Variants in ST8SIA3 observed in about 807,000 individuals in gnomAD.
ST8SIA3 encodes alpha-N-acetylneuraminate alpha-2,8-sialyltransferase ST8SIA3.
Under a neutral mutation model 34.5 loss-of-function variants are expected in ST8SIA3, and 17 were observed. That is an observed-to-expected ratio of 0.49 (90% CI 0.34 to 0.74). ST8SIA3 has a LOEUF of 0.74. Among genes scored for constraint, ST8SIA3 ranks in the 30% least tolerant of loss-of-function variants. The pLI is 0.01. For synonymous variants in ST8SIA3, 172 were observed against 176.1 expected, an observed-to-expected ratio of 0.98 and a Z score of 0.19; for missense variants, 354 against 467.8, an observed-to-expected ratio of 0.76 and a Z score of 2.24.
intron 3 of ST8SIA3, among the ~76,000 whole-genome samples, chr18:57,358,964 G>A (rs1321909918): frequency 2.0e-5 from 3 of 152,200 alleles, no homozygotes; most frequent in Admixed American, 1.3e-4. Flanking sequence ...TTTGGAAGGG[G>A]AAAGGTTCAC....
Position 57,363,666 on chromosome 18 carries a change from T to A in ST8SIA3, c.*3389T>A, listed in dbSNP as rs2049845161. ...GGGAAGCCAAGGAATGGGAGAACGTTTTTTCTGATTTGAGTCAAGGCACTA... is the reference window on the plus strand; with the variant it reads ...GGGAAGCCAAGGAATGGGAGAACGTATTTTCTGATTTGAGTCAAGGCACTA... On this transcript the variant is annotated 3_prime_UTR_variant, in exon 4 of 4. Transcript: ENST00000324000. 6.6e-6 allele frequency: 1 copy of A among 152,190 alleles called. No individual in the cohort carries two copies. The highest frequency in any genetic ancestry group is 6.5e-5 in the Admixed American group (1 of 15,276). The allele number at this position is 152,190 out of a possible 1,614,324, so 9.4% of individuals were successfully genotyped here.
intron 2 of ST8SIA3, among the ~76,000 whole-genome samples, chr18:57,355,066 TG>T (rs2049791259): frequency 6.6e-6 from 1 of 152,252 alleles, no homozygotes; most frequent in African/African-American, 2.4e-5. Context: ...GTTTTGGTTT[TG>T]CCTGTTTTCA....
At chr18:57,353,420 T>A (rs1312966084) in intron 1 of ST8SIA3, among the ~76,000 whole-genome samples, 1 of 151,850 alleles carries the variant, frequency 6.6e-6, no homozygotes, top group Non-Finnish European at 1.5e-5. Flanking sequence ...GTCCGCAGAC[T>A]CCGCGGGCCG....
At chr18:57,354,363 G>A (rs748405462) in intron 1 of ST8SIA3, 39 bp from the exon 2 acceptor site, 17 of 1,611,516 alleles carry the variant, frequency 1.1e-5, no homozygotes, top group Non-Finnish European at 1.3e-5. Context: ...TCCCCGAGCT[G>A]AGGCCAGCAC....
rs1356746511 is a variant in ST8SIA3 at position 57,364,723 on chromosome 18, A to C, written c.*4446A>C. The stretch of plus-strand genomic sequence containing the variant: ...CTGTGGCCCAATTAATCGAGGCCAC[A>C]GATCAGTTGGTACTAAGCATCAAAA... On this transcript the variant is annotated 3_prime_UTR_variant, in exon 4 of 4. Coordinates refer to ENST00000324000, the MANE Select transcript of ST8SIA3 (RefSeq NM_015879.3). The C allele has an allele frequency of 6.6e-6, 1 of 152,654 alleles. No individual in the cohort carries two copies. Among genetic ancestry groups the C allele is most frequent in the Non-Finnish European group, 1.5e-5 (1 of 68,034 alleles). The allele number at this position is 152,654 out of a possible 1,614,324, so 9.5% of individuals were successfully genotyped here.
chr18:57,359,211 A>AG (rs2049815597), intron 3 of ST8SIA3, among the ~76,000 whole-genome samples: 1 of 152,234 alleles, frequency 6.6e-6, no homozygotes, highest in South Asian at 2.1e-4. Flanking sequence ...CACACCACAT[A>AG]GAAGCCTCAA....
intron 1 of ST8SIA3, among the ~76,000 whole-genome samples, chr18:57,353,282 A>G (rs979037458): frequency 1.8e-4 from 27 of 151,264 alleles, no homozygotes; most frequent in Admixed American, 1.6e-3. Context: ...CCCTTCCCTC[A>G]TTTCAGAAAT....
Position 57,352,836 on chromosome 18 carries a change from C to T in ST8SIA3, c.-11C>T. The T allele has an allele frequency of 6.2e-7, 1 of 1,612,566 alleles. No individual in the cohort carries two copies. The highest frequency in any genetic ancestry group is 8.5e-7 in the Non-Finnish European group (1 of 1,179,608). The stretch of plus-strand genomic sequence containing the variant: ...ATTTCCCCGGTTTCCCTGAACCCAG[C>T]CCAGCCCGGGATGAGAAACTGCAAA... On this transcript the variant is annotated 5_prime_UTR_variant, in exon 1 of 4. Coordinates refer to ENST00000324000, the MANE Select transcript of ST8SIA3 (RefSeq NM_015879.3).
At chr18:57,359,511 C>T (rs1206203134) in intron 3 of ST8SIA3, among the ~76,000 whole-genome samples, 4 of 152,166 alleles carry the variant, frequency 2.6e-5, no homozygotes, top group Non-Finnish European at 5.9e-5. Flanking sequence ...AAGGAAGAGA[C>T]GGAGGAGTTT....
chr18:57,355,018 G>T (rs1195977553), intron 2 of ST8SIA3, among the ~76,000 whole-genome samples: 1 of 152,190 alleles, frequency 6.6e-6, no homozygotes, highest in Non-Finnish European at 1.5e-5. Flanking sequence ...TCGTGAAAAT[G>T]CTGGCCCAAA....
In ST8SIA3 at chr18:57,364,941, A is replaced by G. The variant is rs1428754118; in HGVS notation, c.*4664A>G. 1.3e-5 allele frequency: 2 copies of G among 152,226 alleles called. No homozygotes were observed. The highest frequency in any genetic ancestry group is 2.9e-5 in the Non-Finnish European group (2 of 68,038). 9.4% of individuals were successfully genotyped at this position (152,226 alleles called of 1,614,324 possible). ...GAATAGATGTTCCTCAGTGAAGCCT[A>G]TTCTCTTGTTGTTGATGACAGTGGC... On this transcript the variant is annotated 3_prime_UTR_variant, in exon 4 of 4. Coordinates refer to ENST00000324000, the MANE Select transcript of ST8SIA3 (RefSeq NM_015879.3).
chr18:57,354,244 G>T (rs894524308), intron 1 of ST8SIA3, among the ~76,000 whole-genome samples, 158 bp from the exon 2 acceptor site: 3 of 152,236 alleles, frequency 2.0e-5, no homozygotes, highest in Admixed American at 6.5e-5. Flanking sequence ...TCGGGTGTGT[G>T]TGGGAGCAGA....
intron 3 of ST8SIA3, among the ~76,000 whole-genome samples, chr18:57,358,695 T>G (rs1431394007): frequency 1.3e-5 from 2 of 152,204 alleles, no homozygotes; most frequent in Non-Finnish European, 2.9e-5. Context: ...TAAGTGGTGA[T>G]GTAGCCCAGC....
chr18:57,362,036 A>C lies in ST8SIA3; in HGVS notation c.*1759A>C, dbSNP rs1165677487. The C allele has an allele frequency of 1.3e-5, 2 of 152,252 alleles. No individual in the cohort carries two copies. The highest frequency in any genetic ancestry group is 4.8e-5 in the African/African-American group (2 of 41,466). The allele number at this position is 152,252 out of a possible 1,614,324, so 9.4% of individuals were successfully genotyped here. ...TTTCAGAAAGCAATCTAATTAGAGC[A>C]ACTTGCATAGATCTAGATATTAACT... On this transcript the variant is annotated 3_prime_UTR_variant, in exon 4 of 4. Coordinates refer to ENST00000324000, the MANE Select transcript of ST8SIA3 (RefSeq NM_015879.3).
At chr18:57,355,439 T>A (rs596729) in intron 2 of ST8SIA3, among the ~76,000 whole-genome samples, 2,198 of 152,300 alleles carry the variant, frequency 0.014, 48 homozygotes, top group African/African-American at 0.05. Flanking sequence ...AAGTTTAATC[T>A]ATGGGCAGAA....
chr18:57,360,210 A>G lies in ST8SIA3; in HGVS notation c.1076A>G (p.Glu359Gly), dbSNP rs2049822896. The change falls in exon 4 of 4, where the codon GAG becomes GGG. Residue 359 changes from glutamate to glycine, a missense_variant. Physicochemically the swap from Glu to Gly is moderately conservative, Grantham distance 98. Transcript: ENST00000324000. ...CAGGAGTCCCACCAGCTGCCTGCTGAGTTTCAGCTGCTGTACCGAATGCAT... is the reference window on the plus strand; with the variant it reads ...CAGGAGTCCCACCAGCTGCCTGCTGGGTTTCAGCTGCTGTACCGAATGCAT... ...KWQESHQLPA[E>G]FQLLYRMHGE... 1.2e-6 allele frequency: 2 copies of G among 1,614,006 alleles called. No homozygotes were observed. Among genetic ancestry groups the G allele is most frequent in the African/African-American group, 2.7e-5 (2 of 74,932 alleles).
At chr18:57,355,265 C>T (rs934409423) in intron 2 of ST8SIA3, among the ~76,000 whole-genome samples, 15 of 152,150 alleles carry the variant, frequency 9.9e-5, no homozygotes, top group African/African-American at 3.6e-4. Flanking sequence ...ACCACGATAA[C>T]TCATTACTCC....
At chr18:57,359,230 C>T (rs544663822) in intron 3 of ST8SIA3, among the ~76,000 whole-genome samples, 6 of 152,192 alleles carry the variant, frequency 3.9e-5, no homozygotes, top group South Asian at 4.2e-4. Flanking sequence ...AAATATTTGG[C>T]GGTGTCAGCA....
At position 57,362,019 on chromosome 18, in the gene ST8SIA3, A is replaced by G. The variant is rs921044851; in HGVS notation, c.*1742A>G. The G allele has an allele frequency of 2.0e-5, 3 of 152,226 alleles. No homozygotes were observed. Among genetic ancestry groups the G allele is most frequent in the African/African-American group, 4.8e-5 (2 of 41,456 alleles). 9.4% of individuals were successfully genotyped at this position (152,226 alleles called of 1,614,324 possible). A position where few individuals can be genotyped will look rare whatever the true frequency, so the allele number is the denominator to read the frequency against. ...ACCTGCCTTATTATTATTTTCAGAA[A>G]GCAATCTAATTAGAGCAACTTGCAT... On this transcript the variant is annotated 3_prime_UTR_variant, in exon 4 of 4. Coordinates refer to ENST00000324000, the MANE Select transcript of ST8SIA3 (RefSeq NM_015879.3).
Sources: allele counts gnomAD v4.1 joint callset (sites outside exome capture counted in the v4.1 genomes callset), GRCh38; gene constraint gnomAD v4.1.1; transcripts MANE v1.5; gene names NCBI Gene and HGNC (gene_info 2026-07-23, HGNC 2026-07-21).